Variants in MSANTD7 observed in about 807,000 individuals in gnomAD.
MSANTD7 encodes the protein zinc finger and SCAN domain containing 29.
the MSANTD7 span, chr10:14,845,359 G>A: frequency 4.6e-3 from 4,529 of 985,290 alleles, 9 homozygotes; most frequent in Non-Finnish European, 5.1e-3. Context: ...TATCTTGCAG[G>A]CTCGAGTGCT....
At chr10:14,844,058 T>C in the MSANTD7 span, 1 of 1,434,962 alleles carries the variant, frequency 7.0e-7, no homozygotes, top group African/African-American at 1.4e-5. Flanking sequence ...TTCCCAAGAT[T>C]CTCCACCAAA....
chr10:14,842,844 C>T, the MSANTD7 span: 1 of 1,525,478 alleles, frequency 6.6e-7, no homozygotes, highest in Non-Finnish European at 8.8e-7. This position sits in a 1 kb window ranked among gnomAD's most constrained non-coding sequence, Gnocchi z 5.2. Context: ...TCCTCGGGTG[C>T]AGGTAACTCC....
At chr10:14,840,154 G>T in the MSANTD7 span, 1 of 1,385,838 alleles carries the variant, frequency 7.2e-7, no homozygotes, top group Admixed American at 2.2e-5. Context: ...ATCCTGGGCA[G>T]AAGGTATGGA....
chr10:14,839,378 A>T, the MSANTD7 span, among the ~76,000 whole-genome samples: 1 of 152,150 alleles, frequency 6.6e-6, no homozygotes, highest in African/African-American at 2.4e-5. Flanking sequence ...GTTCTAGACC[A>T]GCCTGGCTAA....
chr10:14,845,220 A>G, the MSANTD7 span: 1 of 985,150 alleles, frequency 1.0e-6, no homozygotes, highest in Non-Finnish European at 1.2e-6. Context: ...ACTAACTTAA[A>G]GCTTTTAGTG....
At chr10:14,846,041 C>A in the MSANTD7 span, 1 of 967,192 alleles carries the variant, frequency 1.0e-6, no homozygotes, top group Non-Finnish European at 1.2e-6. Flanking sequence ...ATACTGGTAA[C>A]AATTTTAAGG....
chr10:14,842,263 T>A, the MSANTD7 span: 1 of 1,535,152 alleles, frequency 6.5e-7, no homozygotes, highest in South Asian at 1.2e-5. This position sits in a 1 kb window ranked among gnomAD's most constrained non-coding sequence, Gnocchi z 5.2. Flanking sequence ...AGAAGCTGCC[T>A]AGCCCTCCTT....
At chr10:14,844,919 C>T in the MSANTD7 span, 17 of 985,242 alleles carry the variant, frequency 1.7e-5, no homozygotes, top group Middle Eastern at 5.2e-4. Flanking sequence ...GCCCTAGAAA[C>T]GTTTCCTTTT....
chr10:14,840,812 A>T, the MSANTD7 span, among the ~76,000 whole-genome samples: 3 of 152,302 alleles, frequency 2.0e-5, no homozygotes, highest in South Asian at 6.2e-4. Flanking sequence ...TAAATTTTCA[A>T]AGTGCTTTCA....
the MSANTD7 span, chr10:14,842,482 T>C: frequency 1.5e-4 from 230 of 1,536,170 alleles, 1 homozygote; most frequent in South Asian, 2.6e-3. This position sits in a 1 kb window ranked among gnomAD's most constrained non-coding sequence, Gnocchi z 5.2. Flanking sequence ...GCTCCAAGTT[T>C]AAAGTTCTGA....
the MSANTD7 span, chr10:14,846,754 A>G: frequency 1.0e-6 from 1 of 985,454 alleles, no homozygotes; most frequent in Non-Finnish European, 1.2e-6. Context: ...AGTAGGGGAA[A>G]GACTCTGGAG....
At chr10:14,846,467 CAG>C in the MSANTD7 span, 4 of 985,128 alleles carry the variant, frequency 4.1e-6, no homozygotes, top group Non-Finnish European at 4.8e-6. Flanking sequence ...AATAAGTACA[CAG>C]AAAAATAGGC....
At chr10:14,838,308 G>A in the MSANTD7 span, 3 of 1,296,026 alleles carry the variant, frequency 2.3e-6, no homozygotes, top group South Asian at 2.5e-5. Context: ...GCGGGAACGT[G>A]AAGCTCCGCG....
the MSANTD7 span, chr10:14,843,341 T>C: frequency 6.5e-7 from 1 of 1,550,298 alleles, no homozygotes; most frequent in Non-Finnish European, 8.7e-7. Context: ...AGGAATGTTC[T>C]CTTTGCAACA....
the MSANTD7 span, chr10:14,846,244 T>G: frequency 1.0e-6 from 1 of 985,360 alleles, no homozygotes. Context: ...GGTAGGTAGG[T>G]AGATTTTCTG....
At chr10:14,843,967 G>T in the MSANTD7 span, 1 of 1,508,746 alleles carries the variant, frequency 6.6e-7, no homozygotes, top group African/African-American at 1.4e-5. Context: ...CTGAATCCCT[G>T]GCTCCTTTTC....
At chr10:14,846,093 C>T in the MSANTD7 span, 34 of 982,842 alleles carry the variant, frequency 3.5e-5, no homozygotes, top group Admixed American at 6.2e-5. Flanking sequence ...TGCTCATGAA[C>T]TTCTAAGTGC....
At chr10:14,843,834 T>C in the MSANTD7 span, 2 of 1,536,274 alleles carry the variant, frequency 1.3e-6, no homozygotes, top group African/African-American at 2.7e-5. Flanking sequence ...AGGCAACTGG[T>C]GCTTTTCAGC....
the MSANTD7 span, chr10:14,841,287 A>G: frequency 6.6e-6 from 1 of 152,240 alleles, no homozygotes; most frequent in Non-Finnish European, 1.5e-5. Context: ...CATATTAAAT[A>G]TAAGTTGGTG....
Sources: gnomAD v4.1 joint callset for allele counts (sites outside exome capture counted in the v4.1 genomes callset) on GRCh38, gnomAD v4.1.1 for gene constraint, Gnocchi (gnomAD v3.1) non-coding constraint, MANE v1.5 for transcripts, NCBI Gene and HGNC (gene_info 2026-07-23, HGNC 2026-07-21) for gene names.